TSPYL4: variants seen among roughly 807,000 people sequenced by gnomAD.
TSPYL4 encodes the protein TSPY like 4, also known as testis-specific Y-encoded-like protein 4.
Under a neutral mutation model 24.2 loss-of-function variants are expected in TSPYL4, and 22 were observed. That is an observed-to-expected ratio of 0.91 (90% CI 0.65 to 1.30). The LOEUF (loss-of-function observed/expected upper bound fraction) is 1.30, where lower values mean the gene tolerates loss of function less well. Ranked by LOEUF, TSPYL4 falls within the 50% of genes most tolerant of loss-of-function variation. TSPYL4 has a pLI of 0.00. For missense variants in TSPYL4, 569 were observed against 536.7 expected, an observed-to-expected ratio of 1.06 and a Z score of -0.60; for synonymous variants, 211 against 208.2, an observed-to-expected ratio of 1.01 and a Z score of -0.12.
Position 116,252,450 on chromosome 6 carries a change from G to A in TSPYL4, c.*314C>T. On this transcript the variant is annotated 3_prime_UTR_variant, in exon 1 of 1. Coordinates refer to ENST00000420283, the MANE Select transcript of TSPYL4 (RefSeq NM_021648.5). ...GGAGAAGAGCATGGTCACAGATAGG[G>A]TCCAAGCCATGCAAAGAAAGGCAGT... The A allele has an allele frequency of 3.3e-6, 1 of 303,200 alleles. No individual in the cohort carries two copies. The highest frequency in any genetic ancestry group is 6.1e-6 in the Non-Finnish European group (1 of 163,078). The allele number at this position is 303,200 out of a possible 1,614,324, so 18.8% of individuals were successfully genotyped here.
chr6:116,253,431 G>C lies in TSPYL4; in HGVS notation c.578C>G (p.Thr193Arg), dbSNP rs1772001596. The change falls in exon 1 of 1, where the codon ACA (threonine) becomes AGA (arginine). Residue 193 changes from threonine (T) to arginine (R), a missense_variant. By Grantham distance (71) the Thr-to-Arg change is moderately conservative. Coordinates refer to ENST00000420283, the MANE Select transcript of TSPYL4 (RefSeq NM_021648.5). The surrounding 1 kb of genome is among the most constrained non-coding windows in gnomAD (Gnocchi z 4.3). Reference protein sequence around the residue: ...KKVAGGVKEETRPRAPKINNC... With the variant: ...KKVAGGVKEERRPRAPKINNC... The stretch of plus-strand genomic sequence containing the variant: ...ATTGATCTTCGGGGCCCTGGGCCGT[G>C]TCTCCTCTTTCACCCCTCCTGCCAC... 6.4e-7 allele frequency: 1 copy of C among 1,551,670 alleles called. No homozygotes were observed. Among genetic ancestry groups the C allele is most frequent in the African/African-American group, 1.4e-5 (1 of 73,046 alleles).
rs1403725780 is a variant in TSPYL4, at chr6:116,253,006, C to T, written c.1003G>A (p.Gly335Ser). ...TGGATATGAGCCTGGGGGTCTTGGC[C>T]TCGGTGCCAGCGGATTGGAGTGGAA... The part of the protein sequence containing the change: ...SLSTPIRWHR[G>S]QDPQAHIHRN... Residue 335 changes from glycine (G) to serine (S), a missense_variant, in exon 1 of 1, where the codon GGC (glycine) becomes AGC (serine). Physicochemically the swap from Gly to Ser is moderately conservative, Grantham distance 56. Transcript: ENST00000420283. This position sits in a 1 kb window ranked among gnomAD's most constrained non-coding sequence, Gnocchi z 4.3. 6.2e-7 allele frequency: 1 copy of T among 1,614,018 alleles called. No individual in the cohort carries two copies. Among genetic ancestry groups the T allele is most frequent in the Non-Finnish European group, 8.5e-7 (1 of 1,180,042 alleles).
chr6:116,252,834 C>T lies in TSPYL4; in HGVS notation c.1175G>A (p.Arg392His). ...LQYYLMGEGP[R>H]RGIRGPPRQP... is the part of the protein sequence containing the mutation. ...CCTTGGTGGGCCTCGAATTCCTCTA[C>T]GGGGCCCTTCACCCATCAGGTAGTA... Residue 392 changes from arginine (R) to histidine (H), a missense_variant, in exon 1 of 1, where the codon CGT becomes CAT. By Grantham distance (29) the Arg-to-His change is conservative. Transcript: ENST00000420283. 1.9e-6 allele frequency: 3 copies of T among 1,598,532 alleles called. No individual in the cohort carries two copies. The highest frequency in any genetic ancestry group is 1.1e-5 in the South Asian group (1 of 88,740).
Position 116,252,837 on chromosome 6 carries a change from G to C in TSPYL4, c.1172C>G (p.Pro391Arg). The C allele has an allele frequency of 6.3e-7, 1 of 1,599,440 alleles. No homozygotes were observed. Among genetic ancestry groups the C allele is most frequent in the Non-Finnish European group, 8.5e-7 (1 of 1,172,404 alleles). ...TGGTGGGCCTCGAATTCCTCTACGG[G>C]GCCCTTCACCCATCAGGTAGTATTG... ...PLQYYLMGEGPRRGIRGPPRQ... is the reference protein window; with the variant it reads ...PLQYYLMGEGRRRGIRGPPRQ... The change falls in exon 1 of 1, where the codon CCC becomes CGC. Residue 391 changes from proline (P) to arginine (R), a missense_variant. Transcript: ENST00000420283.
chr6:116,252,899 T>A lies in TSPYL4; in HGVS notation c.1110A>T (p.Ala370=). The A allele has an allele frequency of 6.2e-7, 1 of 1,610,200 alleles. No individual in the cohort carries two copies. The highest frequency in any genetic ancestry group is 8.5e-7 in the Non-Finnish European group (1 of 1,177,856). Residue 370 remains alanine (A), a synonymous_variant, in exon 1 of 1, where the codon GCA becomes GCT. Transcript: ENST00000420283. ...GCCACAGTTCTCCTTTGATAATCTCTGCAATTCTGTCGAATTCTAGAAGGC... is the reference window on the plus strand; with the variant it reads ...GCCACAGTTCTCCTTTGATAATCTCAGCAATTCTGTCGAATTCTAGAAGGC... The part of the protein sequence containing the change: ...DHSLLEFDRI[A]EIIKGELWPN...
chr6:116,252,001 CAGA>C lies in TSPYL4; in HGVS notation c.*760_*762del, dbSNP rs1225036804. 6.6e-6 allele frequency: 1 copy of C among 152,494 alleles called. No individual in the cohort carries two copies. Among genetic ancestry groups the C allele is most frequent in the Non-Finnish European group, 1.5e-5 (1 of 68,152 alleles). The allele number at this position is 152,494 out of a possible 1,614,324, so 9.4% of individuals were successfully genotyped here. ...AATGGTGGCCTAAGCAAAGTTCAAC[CAGA>C]AGGTGAGAGTGAGTAGGGGTGGGCT... On this transcript the variant is annotated 3_prime_UTR_variant, in exon 1 of 1. Coordinates refer to ENST00000420283, the MANE Select transcript of TSPYL4 (RefSeq NM_021648.5).
At position 116,251,461 on chromosome 6, in the gene TSPYL4, AAAG is replaced by A. The variant is rs1157366543; in HGVS notation, c.*1300_*1302del. On this transcript the variant is annotated 3_prime_UTR_variant, in exon 1 of 1. Coordinates refer to ENST00000420283, the MANE Select transcript of TSPYL4 (RefSeq NM_021648.5). ...CCTTTGAAACTTTCAGACCTTGCTA[AAAG>A]AAGTGGGGTGGAGGAATAAGGGCAA... is the stretch of plus-strand genomic sequence containing the variant. 7 of 388,210 alleles carry A rather than the reference AAAG, an allele frequency of 1.8e-5. No homozygotes were observed. The highest frequency in any genetic ancestry group is 4.1e-5 in the African/African-American group (2 of 48,434). 24.0% of individuals were successfully genotyped at this position (388,210 alleles called of 1,614,324 possible).
At position 116,252,436 on chromosome 6, in the gene TSPYL4, T is replaced by C. The variant is rs1329169790; in HGVS notation, c.*328A>G. 3.8e-6 allele frequency: 1 copy of C among 261,602 alleles called. No individual in the cohort carries two copies. The highest frequency in any genetic ancestry group is 7.3e-6 in the Non-Finnish European group (1 of 136,484). 16.2% of individuals were successfully genotyped at this position (261,602 alleles called of 1,614,324 possible). On this transcript the variant is annotated 3_prime_UTR_variant, in exon 1 of 1. Coordinates refer to ENST00000420283, the MANE Select transcript of TSPYL4 (RefSeq NM_021648.5). ...AACCACTTAAATTGGGAGAAGAGCA[T>C]GGTCACAGATAGGGTCCAAGCCATG...
At position 116,253,285 on chromosome 6, in the gene TSPYL4, G is replaced by C; in HGVS notation, c.724C>G (p.Arg242Gly). The C allele has an allele frequency of 6.2e-7, 1 of 1,606,610 alleles. No individual in the cohort carries two copies. The highest frequency in any genetic ancestry group is 2.2e-5 in the East Asian group (1 of 44,674). ...ATATTCTGGATAATGAAACTTCTGC[G>C]CTGCATGTGGAGCCTTCGCATGCGG... ...FGRMRRLHMQRRSFIIQNIPG... is the reference protein window; with the variant it reads ...FGRMRRLHMQGRSFIIQNIPG... The change falls in exon 1 of 1, where the codon CGC (arginine) becomes GGC (glycine). Residue 242 changes from arginine (R) to glycine (G), a missense_variant. Physicochemically the swap from Arg to Gly is moderately radical, Grantham distance 125. Transcript: ENST00000420283. This position sits in a 1 kb window ranked among gnomAD's most constrained non-coding sequence, Gnocchi z 4.3.
At position 116,251,681 on chromosome 6, in the gene TSPYL4, G is replaced by C. The variant is rs1771953946; in HGVS notation, c.*1083C>G. On this transcript the variant is annotated 3_prime_UTR_variant, in exon 1 of 1. Coordinates refer to ENST00000420283, the MANE Select transcript of TSPYL4 (RefSeq NM_021648.5). ...GAGGGGAGGAGGAGGGAGAGAAAGA[G>C]ACAGAGGCATAACAAGTCTCACATT... 6.4e-6 allele frequency: 1 copy of C among 155,608 alleles called. No individual in the cohort carries two copies. The highest frequency in any genetic ancestry group is 1.4e-5 in the Non-Finnish European group (1 of 70,548). The allele number at this position is 155,608 out of a possible 1,614,324, so 9.6% of individuals were successfully genotyped here.
rs199748766 is a variant in TSPYL4 at position 116,253,926 on chromosome 6, G to C, written c.83C>G (p.Pro28Arg). The C allele has an allele frequency of 1.2e-6, 2 of 1,613,434 alleles. No homozygotes were observed. ...GAGCCCTTGGCACTGGTCTCGGTCC[G>C]GATCTCCTGAGGCATGGTCGGGAGC... ...LAAPDHASGD[P>R]DRDQCQGLRE... Residue 28 changes from proline to arginine, a missense_variant, in exon 1 of 1, where the codon CCG (proline) becomes CGG (arginine). By Grantham distance (103) the Pro-to-Arg change is moderately radical. Coordinates refer to ENST00000420283, the MANE Select transcript of TSPYL4 (RefSeq NM_021648.5). The surrounding 1 kb of genome is among the most constrained non-coding windows in gnomAD (Gnocchi z 4.3).
At position 116,251,556 on chromosome 6, in the gene TSPYL4, A is replaced by C. The variant is rs1335268573; in HGVS notation, c.*1208T>G. 3.7e-6 allele frequency: 1 copy of C among 268,556 alleles called. No homozygotes were observed. Among genetic ancestry groups the C allele is most frequent in the African/African-American group, 2.2e-5 (1 of 45,420 alleles). The allele number at this position is 268,556 out of a possible 1,614,324, so 16.6% of individuals were successfully genotyped here. On this transcript the variant is annotated 3_prime_UTR_variant, in exon 1 of 1. Transcript: ENST00000420283. ...AACACAATCAGGGAAAGAGCAAATT[A>C]AACAAAAAGCCTGCTTTGCCAGTTT...
In TSPYL4 at chr6:116,253,016, G is replaced by A. The variant is rs1421141004; in HGVS notation, c.993C>T (p.Arg331=). Reference sequence around the variant, plus strand: ...CCTGGGGGTCTTGGCCTCGGTGCCAGCGGATTGGAGTGGAAAGAGACACCA... The same window carrying A: ...CCTGGGGGTCTTGGCCTCGGTGCCAACGGATTGGAGTGGAAAGAGACACCA... The part of the protein sequence containing the change: ...GRVVSLSTPI[R]WHRGQDPQAH... Residue 331 remains arginine, a synonymous_variant, in exon 1 of 1, where the codon CGC becomes CGT. Coordinates refer to ENST00000420283, the MANE Select transcript of TSPYL4 (RefSeq NM_021648.5). The surrounding 1 kb of genome is among the most constrained non-coding windows in gnomAD (Gnocchi z 4.3). The A allele has an allele frequency of 6.2e-7, 1 of 1,614,214 alleles. No homozygotes were observed. The highest frequency in any genetic ancestry group is 1.1e-5 in the South Asian group (1 of 91,080).
chr6:116,252,556 G>A lies in TSPYL4; in HGVS notation c.*208C>T. On this transcript the variant is annotated 3_prime_UTR_variant, in exon 1 of 1. Coordinates refer to ENST00000420283, the MANE Select transcript of TSPYL4 (RefSeq NM_021648.5). Reference sequence around the variant, plus strand: ...TGCACTTGAAACATGTTAACACAATGCAGAAAAGCATGAAGGCCCAGAGGA... The same window carrying A: ...TGCACTTGAAACATGTTAACACAATACAGAAAAGCATGAAGGCCCAGAGGA... 2 of 612,896 alleles carry A rather than the reference G, an allele frequency of 3.3e-6. No individual in the cohort carries two copies. Among genetic ancestry groups the A allele is most frequent in the Non-Finnish European group, 5.6e-6 (2 of 358,366 alleles). 38.0% of individuals were successfully genotyped at this position (612,896 alleles called of 1,614,324 possible). A position where few individuals can be genotyped will look rare whatever the true frequency, so the allele number is the denominator to read the frequency against.
rs1351627213 is a variant in TSPYL4 at position 116,253,274 on chromosome 6, G to T, written c.735C>A (p.Phe245Leu). 6.2e-7 allele frequency: 1 copy of T among 1,610,632 alleles called. No homozygotes were observed. The highest frequency in any genetic ancestry group is 8.5e-7 in the Non-Finnish European group (1 of 1,178,278). The stretch of plus-strand genomic sequence containing the variant: ...AGAAACCTGGGATATTCTGGATAAT[G>T]AAACTTCTGCGCTGCATGTGGAGCC... ...MRRLHMQRRS[F>L]IIQNIPGFWV... The change falls in exon 1 of 1, where the codon TTC (phenylalanine) becomes TTA (leucine). Residue 245 changes from phenylalanine (F) to leucine (L), a missense_variant. By Grantham distance (22) the Phe-to-Leu change is conservative. Transcript: ENST00000420283. The surrounding 1 kb of genome is among the most constrained non-coding windows in gnomAD (Gnocchi z 4.3).
chr6:116,252,588 G>T lies in TSPYL4; in HGVS notation c.*176C>A. 1.3e-6 allele frequency: 1 copy of T among 753,198 alleles called. No homozygotes were observed. Among genetic ancestry groups the T allele is most frequent in the Non-Finnish European group, 2.1e-6 (1 of 481,712 alleles). The allele number at this position is 753,198 out of a possible 1,614,324, so 46.7% of individuals were successfully genotyped here. A position where few individuals can be genotyped will look rare whatever the true frequency, so the allele number is the denominator to read the frequency against. On this transcript the variant is annotated 3_prime_UTR_variant, in exon 1 of 1. Coordinates refer to ENST00000420283, the MANE Select transcript of TSPYL4 (RefSeq NM_021648.5). Reference sequence around the variant, plus strand: ...AGCATGAAGGCCCAGAGGAAGAATGGCACAGGCAGGTAAGCCAACAATCTT... The same window carrying T: ...AGCATGAAGGCCCAGAGGAAGAATGTCACAGGCAGGTAAGCCAACAATCTT...
At position 116,253,601 on chromosome 6, in the gene TSPYL4, T is replaced by A; in HGVS notation, c.408A>T (p.Ala136=). 3 of 1,552,806 alleles carry A rather than the reference T, an allele frequency of 1.9e-6. No homozygotes were observed. Among genetic ancestry groups the A allele is most frequent in the Non-Finnish European group, 2.6e-6 (3 of 1,147,402 alleles). ...AGQKALEACG[A]GGLGSQMIPG... is the part of the protein sequence containing the mutation. ...GTATCATCTGAGACCCCAAGCCCCC[T>A]GCGCCACAGGCTTCTAGAGCCTTCT... The change falls in exon 1 of 1, where the codon GCA becomes GCT. Residue 136 remains alanine, a synonymous_variant. Coordinates refer to ENST00000420283, the MANE Select transcript of TSPYL4 (RefSeq NM_021648.5). The surrounding 1 kb of genome is among the most constrained non-coding windows in gnomAD (Gnocchi z 4.3).
Position 116,252,737 on chromosome 6 carries a change from G to A in TSPYL4, c.*27C>T, listed in dbSNP as rs2114576665. ...CCAAGAGGAGGTGGTAAGGAAACTTGTGCAGAAGCTTCTCACAGGACAGAG... is the reference window on the plus strand; with the variant it reads ...CCAAGAGGAGGTGGTAAGGAAACTTATGCAGAAGCTTCTCACAGGACAGAG... On this transcript the variant is annotated 3_prime_UTR_variant, in exon 1 of 1. Transcript: ENST00000420283. 6.5e-7 allele frequency: 1 copy of A among 1,544,804 alleles called. No homozygotes were observed. The highest frequency in any genetic ancestry group is 8.7e-7 in the Non-Finnish European group (1 of 1,145,326).
chr6:116,251,017 T>G lies in TSPYL4; in HGVS notation c.*1747A>C, dbSNP rs950891245. 2 of 393,820 alleles carry G rather than the reference T, an allele frequency of 5.1e-6. No individual in the cohort carries two copies. Among genetic ancestry groups the G allele is most frequent in the South Asian group, 1.4e-4 (1 of 6,990 alleles). The allele number at this position is 393,820 out of a possible 1,614,324, so 24.4% of individuals were successfully genotyped here. A position where few individuals can be genotyped will look rare whatever the true frequency, so the allele number is the denominator to read the frequency against. ...TCCACAATGCAGGCTGCAGCCTGCTTCTTCATTTGTTAGGAGCAGGGAAGG... is the reference window on the plus strand; with the variant it reads ...TCCACAATGCAGGCTGCAGCCTGCTGCTTCATTTGTTAGGAGCAGGGAAGG... On this transcript the variant is annotated 3_prime_UTR_variant, in exon 1 of 1. Coordinates refer to ENST00000420283, the MANE Select transcript of TSPYL4 (RefSeq NM_021648.5).
Sources: allele counts gnomAD v4.1 joint callset, GRCh38; gene constraint gnomAD v4.1.1; non-coding constraint Gnocchi (gnomAD v3.1); transcripts MANE v1.5; gene names NCBI Gene and HGNC (gene_info 2026-07-23, HGNC 2026-07-21).